CNTNAP2: variants seen among roughly 807,000 people sequenced by gnomAD.
CNTNAP2 encodes contactin-associated protein-like 2.
In CNTNAP2, 98 loss-of-function variants were observed where a neutral mutation model predicts 155.2. That is an observed-to-expected ratio of 0.63 (90% confidence interval 0.54 to 0.75). The LOEUF (loss-of-function observed/expected upper bound fraction) is 0.75. Among genes scored for constraint, CNTNAP2 ranks in the 30% least tolerant of loss-of-function variants. CNTNAP2 has a pLI of 0.00. For synonymous variants in CNTNAP2, 651 were observed against 631.2 expected (o/e 1.03, Z -0.47); for missense variants, 1,727 against 1,688.1 (o/e 1.02, Z -0.40).
At chr7:147,231,422 C>A (rs769279960) in intron 8 of CNTNAP2, among the ~76,000 whole-genome samples, 1 of 152,148 alleles carries the variant, frequency 6.6e-6, no homozygotes, top group Non-Finnish European at 1.5e-5. Flanking sequence ...CTTTGACATA[C>A]TATTTTATTT....
intron 16 of CNTNAP2, among the ~76,000 whole-genome samples, chr7:148,141,935 C>T (rs1338711281): frequency 1.3e-5 from 2 of 151,920 alleles, no homozygotes; most frequent in Admixed American, 1.3e-4. Flanking sequence ...TAGAGGAAGA[C>T]TAAGAGGAGT....
chr7:146,903,459 A>T (rs574654883), intron 3 of CNTNAP2, among the ~76,000 whole-genome samples: 1 of 152,336 alleles, frequency 6.6e-6, no homozygotes, highest in African/African-American at 2.4e-5. Flanking sequence ...CCCCCACTCC[A>T]ACAAAATAAA....
intron 21 of CNTNAP2, among the ~76,000 whole-genome samples, chr7:148,293,122 G>C (rs181448689): frequency 7.2e-4 from 109 of 151,604 alleles, no homozygotes; most frequent in African/African-American, 2.6e-3. Flanking sequence ...AAATGAATTT[G>C]AATTAAATTG....
chr7:146,629,461 G>C (rs1358089309), intron 1 of CNTNAP2, among the ~76,000 whole-genome samples: 1 of 152,056 alleles, frequency 6.6e-6, no homozygotes, highest in Non-Finnish European at 1.5e-5. Flanking sequence ...ATGTAGAACA[G>C]AGCAGTTGAA....
At chr7:146,417,192 C>G (rs1795949296) in intron 1 of CNTNAP2, among the ~76,000 whole-genome samples, 1 of 152,004 alleles carries the variant, frequency 6.6e-6, no homozygotes, top group South Asian at 2.1e-4. Context: ...GTCACTGAAC[C>G]AAAAGATATA....
At chr7:147,674,002 G>C (rs1373345734) in intron 13 of CNTNAP2, among the ~76,000 whole-genome samples, 3 of 152,080 alleles carry the variant, frequency 2.0e-5, no homozygotes, top group African/African-American at 7.2e-5. Context: ...AATGTAAATG[G>C]TGTATCATTA....
intron 1 of CNTNAP2, among the ~76,000 whole-genome samples, chr7:146,121,616 A>G (rs953036406): frequency 3.9e-5 from 6 of 152,144 alleles, no homozygotes; most frequent in Non-Finnish European, 5.9e-5. Context: ...TACTACTTGC[A>G]AAGTTATAAA....
At chr7:148,226,318 G>T (rs1585200669) in intron 19 of CNTNAP2, among the ~76,000 whole-genome samples, 1 of 152,092 alleles carries the variant, frequency 6.6e-6, no homozygotes, top group Admixed American at 6.6e-5. Flanking sequence ...GGATAGGATT[G>T]TTGGAGTAGG....
chr7:147,536,211 C>A (rs1213589198), intron 11 of CNTNAP2, among the ~76,000 whole-genome samples: 3 of 152,176 alleles, frequency 2.0e-5, no homozygotes, highest in African/African-American at 7.2e-5. Context: ...AACTCCTCTC[C>A]AATTACTCTT....
intron 1 of CNTNAP2, among the ~76,000 whole-genome samples, chr7:146,504,771 G>C (rs1797357485): frequency 6.6e-6 from 1 of 151,354 alleles, no homozygotes; most frequent in Admixed American, 6.6e-5. Flanking sequence ...GCCACCCCCA[G>C]GTAGAGCGGC....
intron 15 of CNTNAP2, among the ~76,000 whole-genome samples, chr7:148,082,985 G>A (rs1803645609): frequency 6.6e-6 from 1 of 151,924 alleles, no homozygotes; most frequent in Non-Finnish European, 1.5e-5. Flanking sequence ...CCTGAACTTT[G>A]GGATTCTCTT....
chr7:147,791,358 C>T (rs190752335), intron 13 of CNTNAP2, among the ~76,000 whole-genome samples: 8 of 151,968 alleles, frequency 5.3e-5, no homozygotes, highest in Non-Finnish European at 1.0e-4. Flanking sequence ...CTGTTACTTA[C>T]ATGACATATA....
chr7:147,348,104 G>T (rs535633644), intron 9 of CNTNAP2, among the ~76,000 whole-genome samples: 1 of 152,140 alleles, frequency 6.6e-6, no homozygotes, highest in Non-Finnish European at 1.5e-5. Flanking sequence ...GCTTCAGGAT[G>T]TCAATCTGGG....
rs1283534473 is a variant in CNTNAP2, at chr7:148,287,786, TC to T, written c.3475+20661del. Among the ~76,000 whole-genome samples the T allele has an allele frequency of 2.8e-4, 22 of 77,358 alleles. 1 individual carries two copies. Among genetic ancestry groups the T allele is most frequent in the East Asian group, 8.8e-4 (2 of 2,270 alleles). The allele number at this position is 77,358 out of a possible 152,430, so 50.7% of individuals were successfully genotyped here. A position where few individuals can be genotyped will look rare whatever the true frequency, so the allele number is the denominator to read the frequency against. On this transcript the variant is annotated intron_variant, in intron 21 of 23. Coordinates refer to ENST00000361727, the MANE Select transcript of CNTNAP2 (RefSeq NM_014141.6). ...AGGTCTCTCTTCCTCTTTCTTTCTT[TC>T]TTTTTTTCTTTTTTTTTTTTTGAAT... is the stretch of plus-strand genomic sequence containing the variant.
rs146802446 is a variant in CNTNAP2 at position 146,985,905 on chromosome 7, G to A, written c.403-58002G>A. ...TTTCCAAGACACTTAAACATTTAAAGTCTGTTTTTAAAATCTTAATTATTT... is the reference window on the plus strand; with the variant it reads ...TTTCCAAGACACTTAAACATTTAAAATCTGTTTTTAAAATCTTAATTATTT... On this transcript the variant is annotated intron_variant, in intron 3 of 23. Coordinates refer to ENST00000361727, the MANE Select transcript of CNTNAP2 (RefSeq NM_014141.6). Among the ~76,000 whole-genome samples, 3 of 152,072 alleles carry A rather than the reference G, an allele frequency of 2.0e-5. No homozygotes were observed. The East Asian group carries it at 5.8e-4, about 29-fold the overall frequency.
At chr7:147,688,934 G>T (rs1005208961) in intron 13 of CNTNAP2, among the ~76,000 whole-genome samples, 1 of 152,080 alleles carries the variant, frequency 6.6e-6, no homozygotes, top group East Asian at 1.9e-4. Context: ...CTACCAAGGG[G>T]TCACTCAAAA....
chr7:147,360,378 G>C (rs112779468), intron 9 of CNTNAP2, among the ~76,000 whole-genome samples: 1 of 151,738 alleles, frequency 6.6e-6, no homozygotes, highest in Non-Finnish European at 1.5e-5. Flanking sequence ...TATTTATCCC[G>C]TGTCTCCTGT....
At chr7:147,957,353 A>G (rs1801034674) in intron 14 of CNTNAP2, among the ~76,000 whole-genome samples, 1 of 152,178 alleles carries the variant, frequency 6.6e-6, no homozygotes, top group Admixed American at 6.6e-5. Context: ...GAGTGAGGAC[A>G]AGAGAGTGAA....
At chr7:147,282,215 G>A (rs1276906053) in intron 8 of CNTNAP2, among the ~76,000 whole-genome samples, 1 of 151,832 alleles carries the variant, frequency 6.6e-6, no homozygotes, top group African/African-American at 2.4e-5. Context: ...AGACACAAAG[G>A]GGACACTCTA....
Sources: gnomAD v4.1 joint callset for allele counts (sites outside exome capture counted in the v4.1 genomes callset) on GRCh38, gnomAD v4.1.1 for gene constraint, MANE v1.5 for transcripts, NCBI Gene and HGNC (gene_info 2026-07-23, HGNC 2026-07-21) for gene names.